Variants in GAS2 observed in about 807,000 individuals in gnomAD.
GAS2 encodes the protein growth arrest-specific protein 2.
In GAS2, 20 loss-of-function variants were observed where a neutral mutation model predicts 37.5. That is an observed-to-expected ratio of 0.53 (90% CI 0.37 to 0.77). The LOEUF is 0.77. Ranked by LOEUF, GAS2 falls within the 30% of genes least tolerant of loss-of-function variation. The pLI is 0.00. For missense variants in GAS2, 336 were observed against 373.4 expected (o/e 0.90, Z 0.82); for synonymous variants, 144 against 132.2 (o/e 1.09, Z -0.61).
chr11:22,724,386 G>A (rs1053649887), intron 3 of GAS2, among the ~76,000 whole-genome samples: 1 of 151,808 alleles, frequency 6.6e-6, no homozygotes. Flanking sequence ...TTCAATCAGT[G>A]TTGCAACAAA....
chr11:22,660,835 C>CA (rs1279262329), intron 1 of GAS2, among the ~76,000 whole-genome samples: 1 of 152,196 alleles, frequency 6.6e-6, no homozygotes. Context: ...ACCCTATTCC[C>CA]AGGCAGTTCT....
At chr11:22,744,814 T>C (rs1204453435) in intron 5 of GAS2, among the ~76,000 whole-genome samples, 2 of 151,984 alleles carry the variant, frequency 1.3e-5, no homozygotes, top group Non-Finnish European at 2.9e-5. Context: ...GCCAGAGCGA[T>C]CAGGCAAAAG....
At chr11:22,647,457 C>A (rs1386324451) in intron 1 of GAS2, among the ~76,000 whole-genome samples, 1 of 152,136 alleles carries the variant, frequency 6.6e-6, no homozygotes, top group Non-Finnish European at 1.5e-5. Context: ...ATGGCTGGAT[C>A]AAATGGTATT....
intron 3 of GAS2, among the ~76,000 whole-genome samples, chr11:22,705,173 A>T (rs1427598180): frequency 1.3e-5 from 2 of 151,996 alleles, no homozygotes; most frequent in South Asian, 4.2e-4. Flanking sequence ...GACCTTTCTG[A>T]TCTCATTTAT....
chr11:22,724,201 C>T (rs905152341), intron 3 of GAS2, among the ~76,000 whole-genome samples: 1 of 151,858 alleles, frequency 6.6e-6, no homozygotes, highest in African/African-American at 2.4e-5. Flanking sequence ...AATGATCCAT[C>T]ATAGGAAAAA....
In GAS2 at chr11:22,646,511, T is replaced by C. The variant is rs1481990480; in HGVS notation, c.-21+20698T>C. ...GTGTTTTCGAATTTTGTAATCTCAT[T>C]TGGTATATAATCAAGGAACATAAAC... On this transcript the variant is annotated intron_variant, in intron 1 of 5. Coordinates refer to the GAS2 transcript ENST00000528582. Among the ~76,000 whole-genome samples, 3 of 152,190 alleles carry C rather than the reference T, an allele frequency of 2.0e-5. No homozygotes were observed. In the East Asian group the frequency reaches 5.8e-4, roughly 29 times the overall value.
chr11:22,676,635 T>C (rs1426892218), intron 2 of GAS2, among the ~76,000 whole-genome samples: 1 of 152,184 alleles, frequency 6.6e-6, no homozygotes, highest in East Asian at 1.9e-4. Context: ...CTTTGAACAG[T>C]ATCTGGCCCT....
intron 7 of GAS2, among the ~76,000 whole-genome samples, chr11:22,783,786 A>G (rs1381025074): frequency 6.6e-6 from 1 of 152,170 alleles, no homozygotes; most frequent in Non-Finnish European, 1.5e-5. Flanking sequence ...TTTGAGACAT[A>G]TTTAAGTCTT....
At chr11:22,742,384 C>T (rs964978868) in intron 5 of GAS2, among the ~76,000 whole-genome samples, 1 of 152,002 alleles carries the variant, frequency 6.6e-6, no homozygotes, top group Admixed American at 6.6e-5. Context: ...TTCATGGAAA[C>T]CAGAATGAAG....
At chr11:22,775,152 A>T (rs1011067465) in intron 7 of GAS2, among the ~76,000 whole-genome samples, 3 of 152,234 alleles carry the variant, frequency 2.0e-5, no homozygotes, top group African/African-American at 4.8e-5. Context: ...TCCTGAAGGC[A>T]ATAAGAAGAT....
chr11:22,782,740 A>T (rs1444558994), intron 7 of GAS2, among the ~76,000 whole-genome samples: 2 of 128,592 alleles, frequency 1.6e-5, no homozygotes, highest in African/African-American at 6.8e-5. Context: ...AAAAAAAAAA[A>T]ATAATAATAA....
intron 7 of GAS2, among the ~76,000 whole-genome samples, chr11:22,776,173 TAGTC>T (rs367562272): frequency 1.7e-4 from 26 of 152,268 alleles, no homozygotes; most frequent in African/African-American, 4.6e-4. Flanking sequence ...GTGAACAAAA[TAGTC>T]AGGTTTTTAT....
intron 2 of GAS2, among the ~76,000 whole-genome samples, chr11:22,684,274 G>A (rs1849833075): frequency 3.3e-5 from 5 of 152,286 alleles, no homozygotes; most frequent in Admixed American, 3.3e-4. Context: ...GAAAATTAGG[G>A]ATTGTGCAAT....
intron 5 of GAS2, among the ~76,000 whole-genome samples, chr11:22,746,171 G>C (rs1853389736): frequency 6.6e-6 from 1 of 152,058 alleles, no homozygotes; most frequent in Admixed American, 6.6e-5. Context: ...GACAGAGCAA[G>C]ATCATGTCTC....
In GAS2 at chr11:22,726,327, T is replaced by C. The variant is rs1446441127; in HGVS notation, c.303T>C (p.Ser101=). Residue 101 remains serine (S), a synonymous_variant, in exon 4 of 8, where the codon AGT becomes AGC. Transcript: ENST00000454584. The part of the protein sequence containing the change: ...LPLKKIPCKT[S]APSGSFFARD... ...TGAAGAAGATCCCATGCAAAACCAG[T>C]GCACCCTCGGGCTCCTTTTTTGCCA... The C allele has an allele frequency of 1.9e-6, 3 of 1,611,476 alleles. No homozygotes were observed. Among genetic ancestry groups the C allele is most frequent in the Non-Finnish European group, 2.5e-6 (3 of 1,179,108 alleles).
intron 7 of GAS2, 31 bp from the exon 8 acceptor site, chr11:22,811,767 A>C: frequency 6.3e-7 from 1 of 1,599,612 alleles, no homozygotes; most frequent in East Asian, 2.2e-5. Context: ...AATTCTCGGA[A>C]TTTAACACTT....
At chr11:22,783,216 T>C (rs1310731484) in intron 7 of GAS2, among the ~76,000 whole-genome samples, 2 of 104,014 alleles carry the variant, frequency 1.9e-5, no homozygotes, top group East Asian at 2.9e-4. Flanking sequence ...CATTTTTTCA[T>C]GTTTGTTAGC....
chr11:22,673,826 G>A (rs1392916450), intron 1 of GAS2, among the ~76,000 whole-genome samples: 2 of 152,164 alleles, frequency 1.3e-5, no homozygotes, highest in Non-Finnish European at 2.9e-5. Context: ...ACCCAAGTAG[G>A]GGATTGCACT....
chr11:22,768,997 C>T (rs981346165), intron 7 of GAS2, among the ~76,000 whole-genome samples: 1 of 152,164 alleles, frequency 6.6e-6, no homozygotes, highest in African/African-American at 2.4e-5. Context: ...GTCCTGGACT[C>T]TATTTTGATA....
Sources: allele counts gnomAD v4.1 joint callset (sites outside exome capture counted in the v4.1 genomes callset), GRCh38; gene constraint gnomAD v4.1.1; transcripts MANE v1.5; gene names NCBI Gene and HGNC (gene_info 2026-07-23, HGNC 2026-07-21).